The following HCN1 variants were observed in gnomAD, a reference collection of about 807,000 sequenced individuals.
HCN1 encodes the protein hyperpolarization activated cyclic nucleotide gated potassium channel 1, also known as potassium/sodium hyperpolarization-activated cyclic nucleotide-gated channel 1.
Under a neutral mutation model 78.9 loss-of-function variants are expected in HCN1, and 13 were observed. The ratio of observed to expected loss-of-function variants is 0.16; its 90% CI spans 0.11 to 0.26. The LOEUF (loss-of-function observed/expected upper bound fraction) is 0.26, where lower values mean the gene tolerates loss of function less well. HCN1 is among the 10% of genes least tolerant of loss of function. The pLI, the probability that HCN1 is intolerant of heterozygous loss-of-function variation, is 1.00. For missense variants in HCN1, 810 were observed against 1,154.3 expected, an observed-to-expected ratio of 0.70 and a Z score of 4.32; for synonymous variants, 552 against 455.5, an observed-to-expected ratio of 1.21 and a Z score of -2.70.
chr5:45,449,826 A>T (rs1322195111), intron 3 of HCN1, among the ~76,000 whole-genome samples: 3 of 152,032 alleles, frequency 2.0e-5, no homozygotes, highest in African/African-American at 7.2e-5. Context: ...AAATTGTAAG[A>T]ACATAAGTTG....
chr5:45,485,643 A>G (rs950483297), intron 2 of HCN1, among the ~76,000 whole-genome samples: 4 of 152,200 alleles, frequency 2.6e-5, no homozygotes, highest in African/African-American at 9.7e-5. Flanking sequence ...AAGAGTTAAT[A>G]TATTCACTAC....
rs755646529 is a variant in HCN1 at position 45,461,834 on chromosome 5, G to C, written c.1011+12C>G. Reference sequence around the variant, plus strand: ...TGAAAAGTCAGAGTGTAAAATAACAGAATTTACTTACAACCATTTCATTTA... The same window carrying C: ...TGAAAAGTCAGAGTGTAAAATAACACAATTTACTTACAACCATTTCATTTA... On this transcript the variant is annotated intron_variant, in intron 3 of 7. Transcript: ENST00000303230. 1.6e-5 allele frequency: 25 copies of C among 1,610,458 alleles called. 1 individual carries two copies. Among genetic ancestry groups the C allele is most frequent in the Non-Finnish European group, 2.1e-5 (25 of 1,177,246 alleles).
chr5:45,477,749 T>C (rs1420948840), intron 2 of HCN1, among the ~76,000 whole-genome samples: 1 of 152,088 alleles, frequency 6.6e-6, no homozygotes, highest in African/African-American at 2.4e-5. Context: ...TAGAAAATAA[T>C]GTAAAGGGCA....
intron 1 of HCN1, among the ~76,000 whole-genome samples, chr5:45,663,575 A>G (rs1313335484): frequency 6.2e-5 from 8 of 129,340 alleles, no homozygotes; most frequent in African/African-American, 2.4e-4. Context: ...AAGGGCTAAT[A>G]TCCAGAATCT....
In HCN1 at chr5:45,532,058, C is replaced by T. The variant is rs112503458; in HGVS notation, c.850-70051G>A. Among the ~76,000 whole-genome samples the T allele has an allele frequency of 5.1e-3, 781 of 152,218 alleles. 5 individuals are homozygous for T. The highest frequency in any genetic ancestry group is 0.018 in the African/African-American group (745 of 41,554). ...CCGTCTCAAAATAAAAATAAACCAA[C>T]CAAACAAAAGACATTTCTGAGATGC... On this transcript the variant is annotated intron_variant, in intron 2 of 7. Coordinates refer to ENST00000303230, the MANE Select transcript of HCN1 (RefSeq NM_021072.4).
intron 6 of HCN1, among the ~76,000 whole-genome samples, chr5:45,291,933 TTTG>T (rs1745386400): frequency 6.6e-6 from 1 of 152,124 alleles, no homozygotes; most frequent in African/African-American, 2.4e-5. Flanking sequence ...TATGTATACA[TTTG>T]TTTATTGTTT....
chr5:45,631,128 G>A (rs563810924), intron 2 of HCN1, among the ~76,000 whole-genome samples: 17 of 152,274 alleles, frequency 1.1e-4, no homozygotes, highest in African/African-American at 4.1e-4. Flanking sequence ...GGTAATATAA[G>A]TTAGTCACAG....
At chr5:45,276,971 A>T (rs1368042236) in intron 6 of HCN1, among the ~76,000 whole-genome samples, 1 of 152,058 alleles carries the variant, frequency 6.6e-6, no homozygotes, top group Admixed American at 6.6e-5. Context: ...ATTTTTATGA[A>T]ATTTTGGAAG....
intron 4 of HCN1, among the ~76,000 whole-genome samples, chr5:45,383,230 T>C (rs1428785662): frequency 6.6e-6 from 1 of 152,192 alleles, no homozygotes. Context: ...AAAAATGCAA[T>C]GGGCATGTAT....
chr5:45,631,253 T>TA (rs1278882932), intron 2 of HCN1, among the ~76,000 whole-genome samples: 3 of 152,200 alleles, frequency 2.0e-5, no homozygotes, highest in African/African-American at 7.2e-5. Flanking sequence ...AGTTACTTGG[T>TA]AGGACTGTTC....
chr5:45,380,235 A>AT (rs1435544548), intron 4 of HCN1, among the ~76,000 whole-genome samples: 1 of 152,016 alleles, frequency 6.6e-6, no homozygotes, highest in East Asian at 1.9e-4. Flanking sequence ...TCCTCAGATA[A>AT]TTGAAGAGCA....
chr5:45,569,582 TG>T (rs1001705028), intron 2 of HCN1, among the ~76,000 whole-genome samples: 2 of 152,090 alleles, frequency 1.3e-5, no homozygotes, highest in Non-Finnish European at 2.9e-5. Flanking sequence ...ATTACTGTTT[TG>T]GTTATTAATA....
chr5:45,486,635 A>G (rs906040034), intron 2 of HCN1, among the ~76,000 whole-genome samples: 17 of 152,088 alleles, frequency 1.1e-4, no homozygotes, highest in Admixed American at 4.6e-4. Flanking sequence ...CATGCAATAG[A>G]ATTAATAGCA....
chr5:45,349,419 C>G (rs896470616), intron 5 of HCN1, among the ~76,000 whole-genome samples: 5 of 152,214 alleles, frequency 3.3e-5, no homozygotes, highest in Non-Finnish European at 7.4e-5. Flanking sequence ...CAAGAGAAAG[C>G]AGGAAAGATC....
At chr5:45,458,075 A>C (rs1741063417) in intron 3 of HCN1, among the ~76,000 whole-genome samples, 1 of 152,122 alleles carries the variant, frequency 6.6e-6, no homozygotes, top group African/African-American at 2.4e-5. Context: ...AGAGAGATTG[A>C]ACCTACATTT....
rs747975797 is a variant in HCN1 at position 45,695,870 on chromosome 5, TCGCCGC to T, written c.218_223del (p.Gly73_Gly74del). 5,381 of 1,563,414 alleles carry T rather than the reference TCGCCGC, an allele frequency of 3.4e-3. 18 individuals are homozygous for T. Among genetic ancestry groups the T allele is most frequent in the South Asian group, 7.2e-3 (624 of 86,486 alleles). On this transcript the variant is annotated inframe_deletion, in exon 1 of 8. Transcript: ENST00000303230. ...GTCTTCGAAGCCCCCCGCCGGCTCC[TCGCCGC>T]CGCCGCCGCCGCCGCCACCGCCGCC...
At chr5:45,600,544 C>G (rs1374556057) in intron 2 of HCN1, among the ~76,000 whole-genome samples, 1 of 152,074 alleles carries the variant, frequency 6.6e-6, no homozygotes, top group African/African-American at 2.4e-5. Context: ...ATTAGTAGAT[C>G]CCTCCAAAAA....
rs374514550 is a variant in HCN1, at chr5:45,376,349, TAGAGAGAG to T, written c.1230+20135_1230+20142del. ...ATATATAACATATATTATATATATA[TAGAGAGAG>T]AGAGAGAGAGAGAGAGAAAATGACT... On this transcript the variant is annotated intron_variant, in intron 4 of 7. Coordinates refer to ENST00000303230, the MANE Select transcript of HCN1 (RefSeq NM_021072.4). 9.6e-4 allele frequency among the ~76,000 whole-genome samples: 105 copies of T among 109,482 alleles called. 3 individuals carry two copies. In the East Asian group the frequency reaches 0.021, roughly 22 times the overall value. 71.8% of individuals were successfully genotyped at this position (109,482 alleles called of 152,430 possible).
intron 6 of HCN1, among the ~76,000 whole-genome samples, chr5:45,282,630 T>G (rs1192375542): frequency 6.6e-6 from 1 of 152,210 alleles, no homozygotes; most frequent in African/African-American, 2.4e-5. Flanking sequence ...GATTTCATGT[T>G]TCCAACTAGT....
Sources: gnomAD v4.1 joint callset for allele counts (sites outside exome capture counted in the v4.1 genomes callset) on GRCh38, gnomAD v4.1.1 for gene constraint, MANE v1.5 for transcripts, NCBI Gene and HGNC (gene_info 2026-07-23, HGNC 2026-07-21) for gene names.